PTPRN2: variants seen among roughly 807,000 people sequenced by gnomAD.
The protein encoded by PTPRN2 is protein tyrosine phosphatase receptor type N2.
Under a neutral mutation model 118.8 loss-of-function variants are expected in PTPRN2, and 74 were observed. The ratio of observed to expected loss-of-function variants is 0.62; its 90% confidence interval spans 0.52 to 0.76. PTPRN2 has a LOEUF of 0.76. Among genes scored for constraint, PTPRN2 ranks in the 30% least tolerant of loss-of-function variants. The probability of loss-of-function intolerance (pLI) is 0.00; values close to 1 mark genes in which losing one functional copy is unlikely to be tolerated. For missense variants in PTPRN2, 1,481 were observed against 1,394.4 expected (o/e 1.06, Z -0.99); for synonymous variants, 641 against 608.0 (o/e 1.05, Z -0.80).
At position 158,268,539 on chromosome 7, in the gene PTPRN2, C is replaced by T. The variant is rs578014846; in HGVS notation, c.277+48280G>A. ...GGGTGTGAAATATCCCAGCCACACG[C>T]ACACAGGGCGGGTGTGTAATATCCC... On this transcript the variant is annotated intron_variant, in intron 3 of 22. Coordinates refer to ENST00000389418, the MANE Select transcript of PTPRN2 (RefSeq NM_002847.5). Among the ~76,000 whole-genome samples the T allele has an allele frequency of 4.7e-4, 64 of 136,766 alleles. 1 individual carries two copies. Among genetic ancestry groups the T allele is most frequent in the Non-Finnish European group, 8.6e-4 (56 of 64,856 alleles). The allele number at this position is 136,766 out of a possible 152,430, so 89.7% of individuals were successfully genotyped here. A position where few individuals can be genotyped will look rare whatever the true frequency, so the allele number is the denominator to read the frequency against.
intron 6 of PTPRN2, among the ~76,000 whole-genome samples, chr7:158,151,447 C>G (rs1475587019): frequency 1.1e-4 from 8 of 75,218 alleles, no homozygotes; most frequent in Admixed American, 1.3e-4. Context: ...TCCTGCCTCT[C>G]CCTGCCCACA....
rs139019508 is a variant in PTPRN2 at position 158,488,657 on chromosome 7, C to T, written c.163+1078G>A. 9.7e-3 allele frequency among the ~76,000 whole-genome samples: 1,477 copies of T among 152,354 alleles called. 24 individuals carry two copies. The highest frequency in any genetic ancestry group is 0.033 in the African/African-American group (1,390 of 41,590). The stretch of plus-strand genomic sequence containing the variant: ...CCAGGAGGGCGGCACCCCAGGCCAG[C>T]GCCCTGCCCTGCACCTCAGTCCCCC... On this transcript the variant is annotated intron_variant, in intron 2 of 22. Transcript: ENST00000389418.
In PTPRN2 at chr7:157,622,757, G is replaced by T. The variant is rs1051666385; in HGVS notation, c.2197-1248C>A. On this transcript the variant is annotated intron_variant, in intron 14 of 22. Transcript: ENST00000389418. The surrounding 1 kb of genome is among the most constrained non-coding windows in gnomAD (Gnocchi z 5.3). ...CCTGGCTCAGGGTGGGCACTCTAAG[G>T]CCGTCTGTTGGGAGGTCCCAGGTTG... is the stretch of plus-strand genomic sequence containing the variant. 6.6e-6 allele frequency among the ~76,000 whole-genome samples: 1 copy of T among 152,202 alleles called. No homozygotes were observed. The highest frequency in any genetic ancestry group is 1.5e-5 in the Non-Finnish European group (1 of 68,038).
intron 2 of PTPRN2, among the ~76,000 whole-genome samples, chr7:158,472,248 G>A (rs1188460166): frequency 6.6e-6 from 1 of 152,176 alleles, no homozygotes; most frequent in Non-Finnish European, 1.5e-5. Flanking sequence ...AATTCCGTGG[G>A]CCTTTGAGAA....
intron 10 of PTPRN2, among the ~76,000 whole-genome samples, chr7:158,100,223 T>C (rs138277429): frequency 0.014 from 2,040 of 151,102 alleles, 50 homozygotes; most frequent in African/African-American, 0.047. Context: ...TTCCTTTTTA[T>C]GGCTGAATAG....
At chr7:157,918,070 G>A (rs992266047) in intron 11 of PTPRN2, among the ~76,000 whole-genome samples, 1 of 152,128 alleles carries the variant, frequency 6.6e-6, no homozygotes, top group African/African-American at 2.4e-5. Context: ...CTTCCTGGAC[G>A]CACTGCCACA....
intron 11 of PTPRN2, among the ~76,000 whole-genome samples, chr7:158,054,444 C>T (rs895658800): frequency 3.9e-5 from 6 of 152,276 alleles, no homozygotes; most frequent in South Asian, 2.1e-4. Context: ...GAGGAAGACA[C>T]GAAGGAAAAA....
intron 1 of PTPRN2, among the ~76,000 whole-genome samples, chr7:158,549,659 G>A (rs1826521504): frequency 6.6e-6 from 1 of 152,226 alleles, no homozygotes; most frequent in South Asian, 2.1e-4. Flanking sequence ...TGGAAGCTCC[G>A]CCTCCCAGAG....
chr7:157,701,011 C>T (rs1018723696), intron 12 of PTPRN2, among the ~76,000 whole-genome samples: 5 of 152,256 alleles, frequency 3.3e-5, no homozygotes, highest in African/African-American at 9.6e-5. Context: ...CTTTCGCACA[C>T]GTGGAGACAG....
chr7:157,582,122 TGTC>T (rs1460622003), intron 17 of PTPRN2, among the ~76,000 whole-genome samples: 1 of 152,184 alleles, frequency 6.6e-6, no homozygotes, highest in African/African-American at 2.4e-5. Context: ...CACCTTGTGA[TGTC>T]AGCCCTAGCA....
intron 1 of PTPRN2, among the ~76,000 whole-genome samples, chr7:158,536,791 T>C (rs984220157): frequency 2.7e-5 from 4 of 148,592 alleles, no homozygotes; most frequent in African/African-American, 5.0e-5. Flanking sequence ...CACAATGACC[T>C]TCCCAGCCTG....
chr7:158,147,486 C>G (rs866770416), intron 6 of PTPRN2, among the ~76,000 whole-genome samples: 64 of 60,476 alleles, frequency 1.1e-3, no homozygotes, highest in South Asian at 1.8e-3. Context: ...TTCCCCCTCA[C>G]TGACACCCCA....
At chr7:158,304,061 G>T (rs1231764818) in intron 3 of PTPRN2, among the ~76,000 whole-genome samples, 1 of 152,004 alleles carries the variant, frequency 6.6e-6, no homozygotes, top group Non-Finnish European at 1.5e-5. Context: ...TACATGCTAG[G>T]GAGGCATAAG....
At chr7:157,620,498 G>T (rs1803094890) in intron 15 of PTPRN2, among the ~76,000 whole-genome samples, 1 of 152,228 alleles carries the variant, frequency 6.6e-6, no homozygotes, top group South Asian at 2.1e-4. Context: ...TGTTGATTGT[G>T]TGCCTGCGAC....
In PTPRN2 at chr7:158,198,591, T is replaced by C. The variant is rs151279785; in HGVS notation, c.381-6096A>G. ...GCTCATATACACAGCTGGTATTTGT[T>C]GTCCCTGTTCCTGCCTCAGGAGCAT... On this transcript the variant is annotated intron_variant, in intron 4 of 22. Coordinates refer to ENST00000389418, the MANE Select transcript of PTPRN2 (RefSeq NM_002847.5). 3.9e-5 allele frequency among the ~76,000 whole-genome samples: 6 copies of C among 152,364 alleles called. No homozygotes were observed. The East Asian group carries it at 1.2e-3, about 29-fold the overall frequency.
Position 157,704,491 on chromosome 7 carries a change from G to A in PTPRN2, c.1789-21554C>T, listed in dbSNP as rs150538542. Among the ~76,000 whole-genome samples the A allele has an allele frequency of 4.8e-3, 738 of 152,306 alleles. 3 individuals carry two copies. Among genetic ancestry groups the A allele is most frequent in the Non-Finnish European group, 7.9e-3 (537 of 68,018 alleles). ...ACCGATGAAGAGTGCAAGAGACCAC[G>A]TGTGTGTGCTTGGGAATGGAGGGCC... On this transcript the variant is annotated intron_variant, in intron 12 of 22. Transcript: ENST00000389418.
chr7:157,678,382 G>A (rs1174902028), intron 13 of PTPRN2, among the ~76,000 whole-genome samples: 1 of 152,110 alleles, frequency 6.6e-6, no homozygotes, highest in Non-Finnish European at 1.5e-5. Flanking sequence ...TCTATTACTC[G>A]TGATTACACC....
At chr7:157,559,253 T>G (rs221283) in intron 21 of PTPRN2, among the ~76,000 whole-genome samples, 145,515 of 152,280 alleles carry the variant, frequency 0.96, 69,644 homozygotes, top group Middle Eastern at 1. Context: ...GAACGGACGC[T>G]TGGGACCTGC....
intron 2 of PTPRN2, among the ~76,000 whole-genome samples, chr7:158,424,129 C>T (rs867752322): frequency 2.0e-5 from 3 of 152,294 alleles, no homozygotes; most frequent in South Asian, 4.1e-4. Context: ...CACAGGCTTA[C>T]GTGTGGCGCA....
Sources: gnomAD v4.1 joint callset for allele counts (sites outside exome capture counted in the v4.1 genomes callset) on GRCh38, gnomAD v4.1.1 for gene constraint, Gnocchi (gnomAD v3.1) non-coding constraint, MANE v1.5 for transcripts, NCBI Gene and HGNC (gene_info 2026-07-23, HGNC 2026-07-21) for gene names.